SPATA1: variants seen among roughly 807,000 people sequenced by gnomAD.
The protein encoded by SPATA1 is spermatogenesis-associated protein 1.
SPATA1 carries 57 observed loss-of-function variants against 59.6 expected under a neutral mutation model. That is an observed-to-expected ratio of 0.96 (90% CI 0.77 to 1.19). The LOEUF is 1.19. SPATA1 is among the 50% of genes most tolerant of loss of function. SPATA1 has a pLI of 0.00. For synonymous variants in SPATA1, 147 were observed against 163.9 expected, an observed-to-expected ratio of 0.90 and a Z score of 0.79; for missense variants, 448 against 480.7, an observed-to-expected ratio of 0.93 and a Z score of 0.64.
At chr1:84,514,034 G>A (rs1400484094) in intron 1 of SPATA1, among the ~76,000 whole-genome samples, 2 of 151,592 alleles carry the variant, frequency 1.3e-5, no homozygotes, top group Admixed American at 6.6e-5. Context: ...TAATAGAGAC[G>A]GGGTTTCACC....
chr1:84,548,907 T>G, exon 11 of SPATA1: 1 of 1,607,942 alleles, frequency 6.2e-7, no homozygotes. Flanking sequence ...TCATGCAACT[T>G]GAAGCCAGGG....
At chr1:84,512,858 A>G (rs1387571679) in intron 1 of SPATA1, among the ~76,000 whole-genome samples, 3 of 152,192 alleles carry the variant, frequency 2.0e-5, no homozygotes, top group East Asian at 3.9e-4. Flanking sequence ...GATAAAATTG[A>G]TTTTCCATTC....
chr1:84,527,525 A>C (rs1055639062), intron 6 of SPATA1: 1 of 151,946 alleles, frequency 6.6e-6, no homozygotes, highest in African/African-American at 2.4e-5. Context: ...TCTTCCAGTT[A>C]TTATTTTTTA....
At chr1:84,525,413 A>G (rs977816023) in intron 4 of SPATA1, among the ~76,000 whole-genome samples, 1 of 152,228 alleles carries the variant, frequency 6.6e-6, no homozygotes, top group East Asian at 1.9e-4. Flanking sequence ...TAGGTATACA[A>G]TCTTTACTAA....
intron 6 of SPATA1, among the ~76,000 whole-genome samples, chr1:84,529,842 G>A (rs1181383759): frequency 6.6e-6 from 1 of 150,792 alleles, no homozygotes; most frequent in Non-Finnish European, 1.5e-5. Context: ...GACTGCGCCC[G>A]GCTGAAGCCT....
intron 8 of SPATA1, among the ~76,000 whole-genome samples, chr1:84,541,998 C>G (rs376918349): frequency 3.3e-5 from 5 of 151,970 alleles, no homozygotes; most frequent in African/African-American, 1.2e-4. Context: ...GAGATGGAGT[C>G]TCGCTCTCTT....
downstream of SPATA1, among the ~76,000 whole-genome samples, chr1:84,567,112 G>A (rs548364130): frequency 7.2e-5 from 11 of 152,278 alleles, no homozygotes; most frequent in South Asian, 2.1e-3. Context: ...TAAAAACTGA[G>A]ATACTTTAGG....
intron 4 of SPATA1, among the ~76,000 whole-genome samples, chr1:84,561,998 G>A (rs1225687415): frequency 6.6e-6 from 1 of 152,124 alleles, no homozygotes; most frequent in Non-Finnish European, 1.5e-5. Flanking sequence ...TCTAAGGTAT[G>A]CCTGTATATG....
intron 8 of SPATA1, among the ~76,000 whole-genome samples, chr1:84,535,964 G>A (rs545133286): frequency 9.2e-5 from 14 of 152,104 alleles, no homozygotes; most frequent in South Asian, 2.1e-4. Context: ...CCTAGAACCT[G>A]CTCCTCCAGT....
chr1:84,552,879 C>A, intron 12 of SPATA1: 1 of 572,744 alleles, frequency 1.7e-6, no homozygotes, highest in South Asian at 2.2e-5. Flanking sequence ...ATAATCTACA[C>A]ATTTACTGTA....
At chr1:84,545,440 A>G (rs936151181) in intron 9 of SPATA1, among the ~76,000 whole-genome samples, 194 bp from the exon 10 acceptor site, 10 of 152,102 alleles carry the variant, frequency 6.6e-5, no homozygotes, top group African/African-American at 2.2e-4. Flanking sequence ...CTCCTTATAT[A>G]TCACTCTTGG....
intron 4 of SPATA1, 111 bp from the exon 14 acceptor site, chr1:84,565,750 A>G: frequency 1.4e-6 from 1 of 694,038 alleles, no homozygotes; most frequent in Admixed American, 4.4e-5. Context: ...AAACGTATAC[A>G]TATAACTTAG....
intron 11 of SPATA1, 99 bp downstream of exon 11, chr1:84,549,063 G>A: frequency 1.2e-5 from 15 of 1,201,320 alleles, no homozygotes; most frequent in Non-Finnish European, 1.7e-5. Context: ...GGCTAACTTT[G>A]ACTTAAACTT....
At chr1:84,563,475 C>G (rs1429556781) in intron 4 of SPATA1, 2 of 1,219,064 alleles carry the variant, frequency 1.6e-6, no homozygotes, top group Admixed American at 6.3e-5. Flanking sequence ...TCTTAAAAGC[C>G]AAACCAAAAA....
At chr1:84,546,954 A>T (rs1684107133) in intron 10 of SPATA1, among the ~76,000 whole-genome samples, 2 of 147,742 alleles carry the variant, frequency 1.4e-5, no homozygotes, top group South Asian at 4.3e-4. Flanking sequence ...TTGCTAAATT[A>T]TTTGAGAGGC....
At chr1:84,548,948 A>G (rs1358613204) in exon 11 of SPATA1, 3 of 1,584,548 alleles carry the variant, frequency 1.9e-6, no homozygotes, top group African/African-American at 2.7e-5. Context: ...AATCTGGCAA[A>G]CATCACAGAC....
intron 1 of SPATA1, among the ~76,000 whole-genome samples, chr1:84,510,662 A>G (rs1006317542): frequency 6.6e-6 from 1 of 152,226 alleles, no homozygotes; most frequent in South Asian, 2.1e-4. Context: ...ACTGCTAGCT[A>G]TAGACCCAAA....
At chr1:84,545,749 A>G (rs1684064734) in exon 10 of SPATA1, 11 of 1,515,500 alleles carry the variant, frequency 7.3e-6, no homozygotes, top group Non-Finnish European at 9.6e-6. Context: ...GCAAATTAAA[A>G]CGATATCATG....
intron 8 of SPATA1, among the ~76,000 whole-genome samples, chr1:84,541,905 T>A (rs934757896): frequency 2.6e-5 from 4 of 152,226 alleles, no homozygotes; most frequent in Non-Finnish European, 5.9e-5. Context: ...CACCCTCTTC[T>A]GCTGCTGTAG....
Sources: allele counts gnomAD v4.1 joint callset (sites outside exome capture counted in the v4.1 genomes callset), GRCh38; gene constraint gnomAD v4.1.1; transcripts MANE v1.5; gene names NCBI Gene and HGNC (gene_info 2026-07-23, HGNC 2026-07-21).